The following XCR1 variants were observed in gnomAD, a reference collection of about 807,000 sequenced individuals.
The protein encoded by XCR1 is X-C motif chemokine receptor 1, also known as chemokine XC receptor 1.
For missense variants in XCR1, 356 were observed against 424.2 expected, an observed-to-expected ratio of 0.84 and a Z score of 1.41; for synonymous variants, 187 against 188.5, an observed-to-expected ratio of 0.99 and a Z score of 0.06.
intron 1 of XCR1, among the ~76,000 whole-genome samples, chr3:46,025,898 G>A (rs540833805): frequency 2.6e-5 from 4 of 152,104 alleles, no homozygotes; most frequent in African/African-American, 4.8e-5. Context: ...AATATTCCTC[G>A]TGAACATAGA....
At chr3:46,023,575 G>A in intron 1 of XCR1, 3 of 1,448,864 alleles carry the variant, frequency 2.1e-6, no homozygotes, top group Non-Finnish European at 1.9e-6. Context: ...AGACAAGGAT[G>A]TAGCTGCCCA....
intron 1 of XCR1, chr3:46,022,356 C>T (rs2125893124): frequency 6.1e-6 from 1 of 163,622 alleles, no homozygotes. Flanking sequence ...TTAATTCTCT[C>T]CTGGATCAGA....
intron 4 of XCR1, among the ~76,000 whole-genome samples, chr3:46,056,939 A>G (rs1272722960): frequency 2.0e-5 from 3 of 152,220 alleles, no homozygotes; most frequent in Admixed American, 2.0e-4. Context: ...TAATAAAGCA[A>G]AACTTAAAGC....
chr3:46,057,894 A>G (rs6762024), intron 4 of XCR1, among the ~76,000 whole-genome samples: 15,780 of 120,264 alleles, frequency 0.13, 1,119 homozygotes, highest in African/African-American at 0.28. Context: ...CTATCTATCT[A>G]TCTATCTATC....
intron 4 of XCR1, among the ~76,000 whole-genome samples, chr3:46,065,103 GAAAT>G (rs1399111432): frequency 6.7e-6 from 1 of 150,176 alleles, no homozygotes; most frequent in African/African-American, 2.5e-5. Context: ...AAAAAATAAA[GAAAT>G]AAAAAAAAAG....
chr3:46,066,217 C>CCTCCCT (rs1553634870), intron 4 of XCR1, among the ~76,000 whole-genome samples: 18,544 of 150,136 alleles, frequency 0.12, 3,882 homozygotes, highest in African/African-American at 0.44. Context: ...TCCCTCCCTC[C>CCTCCCT]CTCGCTCTCT....
chr3:46,078,772 A>T (rs1001574572), intron 1 of XCR1, among the ~76,000 whole-genome samples: 1 of 151,964 alleles, frequency 6.6e-6, no homozygotes, highest in Non-Finnish European at 1.5e-5. Context: ...GCAGTTGCTC[A>T]CTTTGACCAA....
At chr3:46,068,377 T>A (rs1018044013) in intron 3 of XCR1, among the ~76,000 whole-genome samples, 7 of 152,152 alleles carry the variant, frequency 4.6e-5, no homozygotes, top group Admixed American at 1.3e-4. Context: ...CTTGCTTGCT[T>A]TCTTCTTGAT....
chr3:46,032,444 C>T (rs1272118797), upstream of XCR1, among the ~76,000 whole-genome samples: 10 of 152,224 alleles, frequency 6.6e-5, no homozygotes, highest in Admixed American at 6.5e-4. Context: ...TCTCACTATG[C>T]AATGCTGGAC....
intron 5 of XCR1, among the ~76,000 whole-genome samples, chr3:46,041,646 A>G (rs1697538369): frequency 6.6e-6 from 1 of 152,206 alleles, no homozygotes; most frequent in Non-Finnish European, 1.5e-5. Flanking sequence ...TCGCATAGAC[A>G]GTTGTTTTTG....
chr3:46,075,464 T>C (rs903189497), intron 2 of XCR1, among the ~76,000 whole-genome samples: 1 of 152,066 alleles, frequency 6.6e-6, no homozygotes, highest in African/African-American at 2.4e-5. Flanking sequence ...GAGAAAATCT[T>C]TGAGACCTAA....
At chr3:46,030,622 A>T (rs1708377739), upstream of XCR1, among the ~76,000 whole-genome samples, 1 of 152,218 alleles carries the variant, frequency 6.6e-6, no homozygotes, top group Non-Finnish European at 1.5e-5. Flanking sequence ...GTGTGATTGG[A>T]TTATATGATA....
At chr3:46,074,647 T>C (rs1398777878) in intron 3 of XCR1, among the ~76,000 whole-genome samples, 2 of 152,266 alleles carry the variant, frequency 1.3e-5, no homozygotes, top group East Asian at 3.9e-4. Flanking sequence ...AAAAATATAT[T>C]TACTATTCAT....
intron 5 of XCR1, among the ~76,000 whole-genome samples, chr3:46,053,185 T>C (rs1176513309): frequency 6.6e-6 from 1 of 152,228 alleles, no homozygotes; most frequent in Non-Finnish European, 1.5e-5. Flanking sequence ...ACACAGATTC[T>C]AGCAATCCTA....
chr3:46,062,772 A>G (rs1227037754), intron 4 of XCR1, among the ~76,000 whole-genome samples: 1 of 152,236 alleles, frequency 6.6e-6, no homozygotes, highest in East Asian at 1.9e-4. Context: ...AAAGGAGCAG[A>G]AAGGAGGTTG....
intron 5 of XCR1, among the ~76,000 whole-genome samples, chr3:46,039,452 A>G (rs892000029): frequency 1.3e-5 from 2 of 152,154 alleles, no homozygotes; most frequent in Non-Finnish European, 2.9e-5. Flanking sequence ...GGTGGTTTGA[A>G]GTACTGCAGG....
chr3:46,025,399 G>A (rs1225343372), intron 1 of XCR1, among the ~76,000 whole-genome samples: 2 of 151,796 alleles, frequency 1.3e-5, no homozygotes, highest in Admixed American at 6.6e-5. Context: ...GCAAGACCCT[G>A]TCTCAAAAGA....
At chr3:46,084,651 A>G (rs1390134465) in intron 1 of XCR1, among the ~76,000 whole-genome samples, 1 of 152,218 alleles carries the variant, frequency 6.6e-6, no homozygotes, top group Non-Finnish European at 1.5e-5. Flanking sequence ...ACTTGTACAG[A>G]TGTAGCTGGA....
At chr3:46,057,830 C>A (rs1697879083) in intron 4 of XCR1, among the ~76,000 whole-genome samples, 1 of 152,148 alleles carries the variant, frequency 6.6e-6, no homozygotes, top group South Asian at 2.1e-4. Flanking sequence ...TTGTGTAAGA[C>A]AATTTCTTGC....
Sources: gnomAD v4.1 joint callset for allele counts (sites outside exome capture counted in the v4.1 genomes callset) on GRCh38, gnomAD v4.1.1 for gene constraint, MANE v1.5 for transcripts, NCBI Gene and HGNC (gene_info 2026-07-23, HGNC 2026-07-21) for gene names.